Variants in FBLN2 observed in about 807,000 individuals in gnomAD.
The protein encoded by FBLN2 is fibulin-2.
A neutral mutation model predicts 123.7 loss-of-function variants in FBLN2; 81 were observed. The ratio of observed to expected loss-of-function variants is 0.65; its 90% CI spans 0.55 to 0.79. The LOEUF is 0.79. FBLN2 is among the 30% of genes least tolerant of loss of function. FBLN2 has a pLI of 0.00. For synonymous variants in FBLN2, 699 were observed against 701.4 expected, an observed-to-expected ratio of 1.00 and a Z score of 0.05; for missense variants, 1,603 against 1,681.3, an observed-to-expected ratio of 0.95 and a Z score of 0.81.
chr3:13,597,454 C>T (rs376987337), intron 2 of FBLN2, among the ~76,000 whole-genome samples: 33 of 152,308 alleles, frequency 2.2e-4, no homozygotes, highest in African/African-American at 4.8e-4. Flanking sequence ...ATTTTACCCC[C>T]GAACAATCTT....
At chr3:13,628,249 C>T (rs988230577) in intron 11 of FBLN2, among the ~76,000 whole-genome samples, 4 of 152,162 alleles carry the variant, frequency 2.6e-5, no homozygotes, top group African/African-American at 9.7e-5. Flanking sequence ...GGACTGGATA[C>T]GAATGAGTAT....
chr3:13,614,106 G>T lies in FBLN2; in HGVS notation c.1671G>T (p.Glu557Asp). ...TGCTCTCCTGCTGTGAGGGTGAAGA[G>T]CCTCTCATAGTACCTGAGGTTCGCC... The part of the protein sequence containing the change: ...HVMLSCCEGE[E>D]PLIVPEVRRP... Residue 557 changes from glutamate (E) to aspartate (D), a missense_variant, in exon 5 of 18, where the codon GAG (glutamate) becomes GAT (aspartate). Physicochemically the swap from Glu to Asp is conservative, Grantham distance 45. Transcript: ENST00000404922. 1.9e-6 allele frequency: 3 copies of T among 1,613,594 alleles called. No homozygotes were observed. Among genetic ancestry groups the T allele is most frequent in the East Asian group, 4.5e-5 (2 of 44,882 alleles).
At chr3:13,579,954 GC>G (rs914556200) in intron 2 of FBLN2, among the ~76,000 whole-genome samples, 140 of 152,304 alleles carry the variant, frequency 9.2e-4, no homozygotes, top group African/African-American at 3.3e-3. Flanking sequence ...CCTCCTTTGT[GC>G]CCCTCCTAGG....
chr3:13,630,583 G>T (rs1427559677), intron 14 of FBLN2, 116 bp from the exon 15 acceptor site: 1 of 822,552 alleles, frequency 1.2e-6, no homozygotes, highest in Non-Finnish European at 2.0e-6. Flanking sequence ...CCCTCGCATA[G>T]GTCAACCCCA....
At chr3:13,565,241 A>G (rs981271874) in intron 1 of FBLN2, among the ~76,000 whole-genome samples, 2 of 152,198 alleles carry the variant, frequency 1.3e-5, no homozygotes, top group Admixed American at 1.3e-4. Flanking sequence ...CACCCACAGC[A>G]GGGATTTGAT....
chr3:13,585,564 G>C (rs893403138), intron 2 of FBLN2, among the ~76,000 whole-genome samples: 2 of 152,186 alleles, frequency 1.3e-5, no homozygotes, highest in Non-Finnish European at 2.9e-5. Flanking sequence ...TAGTGACAGC[G>C]TAGCCATTAC....
chr3:13,567,796 T>C (rs13326174), intron 1 of FBLN2, among the ~76,000 whole-genome samples: 127,914 of 151,990 alleles, frequency 0.84, 54,001 homozygotes, highest in East Asian at 1. Flanking sequence ...AGTGAGACCC[T>C]TGTTAAAAAA....
intron 2 of FBLN2, among the ~76,000 whole-genome samples, chr3:13,596,921 AATTTGTTT>A (rs1241227789): frequency 2.7e-5 from 4 of 148,338 alleles, no homozygotes; most frequent in African/African-American, 1.0e-4. Flanking sequence ...TTAAAAAATA[AATTTGTTT>A]ATTTATTTAT....
intron 1 of FBLN2, among the ~76,000 whole-genome samples, chr3:13,561,974 T>A (rs137936055): frequency 1.2e-4 from 18 of 152,346 alleles, no homozygotes; most frequent in African/African-American, 4.3e-4. Context: ...AAAATAAATA[T>A]CCCTGGAAAC....
chr3:13,557,189 G>A (rs1703485815), intron 1 of FBLN2, among the ~76,000 whole-genome samples: 2 of 152,238 alleles, frequency 1.3e-5, no homozygotes, highest in Non-Finnish European at 2.9e-5. Context: ...GTCATGCGTT[G>A]ATGTGGCCCC....
intron 1 of FBLN2, among the ~76,000 whole-genome samples, chr3:13,562,865 A>G (rs1703650513): frequency 6.6e-6 from 1 of 152,218 alleles, no homozygotes; most frequent in Non-Finnish European, 1.5e-5. Context: ...GATATCTCAT[A>G]GAAGTGGAAT....
intron 2 of FBLN2, among the ~76,000 whole-genome samples, chr3:13,597,019 C>T (rs1704866380): frequency 6.6e-6 from 1 of 152,022 alleles, no homozygotes; most frequent in Non-Finnish European, 1.5e-5. Flanking sequence ...GCAGCCTTGA[C>T]CTCCTGGGCT....
intron 4 of FBLN2, among the ~76,000 whole-genome samples, chr3:13,612,394 C>T (rs1574982774): frequency 7.1e-6 from 1 of 141,736 alleles, no homozygotes; most frequent in Non-Finnish European, 1.5e-5. Context: ...GTCTGTCTTT[C>T]TTTCTTGACG....
At chr3:13,629,757 T>A in intron 13 of FBLN2, 63 bp from the exon 14 acceptor site, 4 of 1,528,286 alleles carry the variant, frequency 2.6e-6, no homozygotes, top group Non-Finnish European at 3.5e-6. Context: ...GGATGGCCCT[T>A]GGGGGTGGAG....
chr3:13,576,727 C>CCCA (rs373018264), intron 2 of FBLN2, among the ~76,000 whole-genome samples: 6 of 152,024 alleles, frequency 3.9e-5, no homozygotes, highest in African/African-American at 1.4e-4. Flanking sequence ...GGATCCCCCC[C>CCCA]CCCCGGGTTC....
At chr3:13,627,256 G>A (rs988751513) in intron 10 of FBLN2, among the ~76,000 whole-genome samples, 2 of 152,128 alleles carry the variant, frequency 1.3e-5, no homozygotes, top group African/African-American at 4.8e-5. Context: ...AGGCCTGTTG[G>A]GTGTGGGGAG....
chr3:13,635,870 GGTGTGTT>G (rs773283363), intron 16 of FBLN2, among the ~76,000 whole-genome samples: 3 of 152,278 alleles, frequency 2.0e-5, no homozygotes, highest in Non-Finnish European at 4.4e-5. Flanking sequence ...AAACAGCCTC[GGTGTGTT>G]GCAGAGCATG....
At chr3:13,593,856 G>T (rs1393872238) in intron 2 of FBLN2, among the ~76,000 whole-genome samples, 1 of 152,130 alleles carries the variant, frequency 6.6e-6, no homozygotes, top group Non-Finnish European at 1.5e-5. Flanking sequence ...CCCAGCGTGG[G>T]CGGCTGTAAC....
At position 13,575,232 on chromosome 3, in the gene FBLN2, G is replaced by A. The variant is rs1574953942; in HGVS notation, c.1306+3571G>A. ...GAAAAACTGAGGCACAAAACCATAA[G>A]CCGCATGCTCAGATTCTGTGGGTTG... On this transcript the variant is annotated intron_variant, in intron 2 of 17. Transcript: ENST00000404922. Among the ~76,000 whole-genome samples the A allele has an allele frequency of 3.3e-5, 5 of 152,168 alleles. No homozygotes were observed. In the South Asian group the frequency reaches 1.0e-3, roughly 32 times the overall value.
Sources: allele counts gnomAD v4.1 joint callset (sites outside exome capture counted in the v4.1 genomes callset), GRCh38; gene constraint gnomAD v4.1.1; transcripts MANE v1.5; gene names NCBI Gene and HGNC (gene_info 2026-07-23, HGNC 2026-07-21).